SAFB2: variants seen among roughly 807,000 people sequenced by gnomAD.
The protein encoded by SAFB2 is scaffold attachment factor B2.
Under a neutral mutation model 100.6 loss-of-function variants are expected in SAFB2, and 32 were observed. That is an observed-to-expected ratio of 0.32 (90% CI 0.24 to 0.43). The LOEUF (loss-of-function observed/expected upper bound fraction) is 0.43, where lower values mean the gene tolerates loss of function less well. Among genes scored for constraint, SAFB2 ranks in the 20% least tolerant of loss-of-function variants. SAFB2 has a pLI of 1.00. For missense variants in SAFB2, 1,185 were observed against 1,163.4 expected, an observed-to-expected ratio of 1.02 and a Z score of -0.27; for synonymous variants, 500 against 439.4, an observed-to-expected ratio of 1.14 and a Z score of -1.72.
At chr19:5,602,301 C>G (rs371383714) in intron 11 of SAFB2, among the ~76,000 whole-genome samples, 1 of 151,578 alleles carries the variant, frequency 6.6e-6, no homozygotes, top group Non-Finnish European at 1.5e-5. Context: ...CACAGTGAAA[C>G]CCCGTCTCAA....
Position 5,622,710 on chromosome 19 carries a change from C to A in SAFB2, c.6G>T (p.Ala2=), listed in dbSNP as rs376482272. 1 of 1,600,122 alleles carries A rather than the reference C, an allele frequency of 6.2e-7. No individual in the cohort carries two copies. The change falls in exon 1 of 21, where the codon GCG becomes GCT. Residue 2 remains alanine, a synonymous_variant. Coordinates refer to ENST00000252542, the MANE Select transcript of SAFB2 (RefSeq NM_014649.3). ...AGTCGCCCGACCCGGGCAGAGTCTCCGCCATCGTCGCGTTCCCGTCTTCGC... is the reference window on the plus strand; with the variant it reads ...AGTCGCCCGACCCGGGCAGAGTCTCAGCCATCGTCGCGTTCCCGTCTTCGC... The part of the protein sequence containing the change: M[A]ETLPGSGDSG...
chr19:5,606,091 G>C (rs2052768850), intron 9 of SAFB2, among the ~76,000 whole-genome samples: 1 of 152,168 alleles, frequency 6.6e-6, no homozygotes, highest in Non-Finnish European at 1.5e-5. Context: ...GGCCACAAAT[G>C]GTTTGCTCTT....
At chr19:5,612,664 T>C in intron 5 of SAFB2, 97 bp from the exon 6 acceptor site, 1 of 937,954 alleles carries the variant, frequency 1.1e-6, no homozygotes, top group East Asian at 2.4e-5. Flanking sequence ...TGTGAATAAA[T>C]GCCTGTTTCC....
At chr19:5,611,766 G>A (rs1053792840) in intron 6 of SAFB2, 136 bp from the exon 7 acceptor site, 10 of 538,472 alleles carry the variant, frequency 1.9e-5, no homozygotes, top group African/African-American at 5.8e-5. Context: ...GAAAACCCGC[G>A]GGTACACAAA....
chr19:5,613,737 T>C (rs918146374), intron 4 of SAFB2: 14 of 985,466 alleles, frequency 1.4e-5, no homozygotes, highest in African/African-American at 1.7e-5. Flanking sequence ...GGCAGTGGCC[T>C]GCAGGTGGGT....
intron 18 of SAFB2, 112 bp from the exon 19 acceptor site, chr19:5,588,092 G>A (rs1284041207): frequency 4.5e-6 from 4 of 893,074 alleles, no homozygotes; most frequent in Non-Finnish European, 3.3e-6. Flanking sequence ...CACACAACAA[G>A]GGCTGCATGT....
intron 11 of SAFB2, 33 bp downstream of exon 11, chr19:5,604,550 G>A: frequency 1.3e-6 from 2 of 1,553,314 alleles, no homozygotes; most frequent in Non-Finnish European, 1.8e-6. Context: ...TCCTCCCAGG[G>A]ATTCCAAGAG....
intron 17 of SAFB2, 98 bp downstream of exon 17, chr19:5,591,650 A>G (rs2052407713): frequency 8.3e-7 from 1 of 1,212,098 alleles, no homozygotes; most frequent in South Asian, 1.3e-5. Context: ...CTTGGTTGCC[A>G]CCTCTCTGGG....
chr19:5,599,276 T>C (rs2052603649), intron 12 of SAFB2, among the ~76,000 whole-genome samples: 1 of 152,134 alleles, frequency 6.6e-6, no homozygotes, highest in East Asian at 1.9e-4. Flanking sequence ...GTGCTAGGAA[T>C]CACACTGCCA....
chr19:5,621,690 T>C (rs2053152805), intron 1 of SAFB2, among the ~76,000 whole-genome samples: 1 of 152,166 alleles, frequency 6.6e-6, no homozygotes, highest in Non-Finnish European at 1.5e-5. Flanking sequence ...CCTTCGACTT[T>C]AAAGTTATAT....
At chr19:5,618,516 A>G (rs963790165) in intron 2 of SAFB2, among the ~76,000 whole-genome samples, 26 of 152,236 alleles carry the variant, frequency 1.7e-4, no homozygotes, top group African/African-American at 5.8e-4. Context: ...TAAGACGCCT[A>G]ACAACGCTAG....
rs1247110364 is a variant in SAFB2 at position 5,621,394 on chromosome 19, C to G, written c.189G>C (p.Ala63=). The G allele has an allele frequency of 1.9e-6, 3 of 1,605,302 alleles. No homozygotes were observed. Among genetic ancestry groups the G allele is most frequent in the Non-Finnish European group, 2.6e-6 (3 of 1,172,138 alleles). ...CAGGATCTTGCCCCTCTTCTTTAAC[C>G]GCCTATTAGGGAGAGATGAGTTTTA... is the stretch of plus-strand genomic sequence containing the variant. ...KSVLMERLKK[A]VKEEGQDPDE... Residue 63 remains alanine (A), a splice_region_variant and synonymous_variant, in exon 2 of 21, where the codon GCG becomes GCC. Coordinates refer to ENST00000252542, the MANE Select transcript of SAFB2 (RefSeq NM_014649.3).
At chr19:5,600,408 C>A in intron 11 of SAFB2, 148 bp from the exon 12 acceptor site, 1 of 992,318 alleles carries the variant, frequency 1.0e-6, no homozygotes, top group East Asian at 2.6e-5. Context: ...ATTTGGAACC[C>A]ATAGTAATAA....
In SAFB2 at chr19:5,587,774, GAGA is replaced by G. The variant is rs760912243; in HGVS notation, c.2639-10_2639-8del. On this transcript the variant is annotated splice_region_variant and splice_polypyrimidine_tract_variant and intron_variant, in intron 19 of 20. Coordinates refer to ENST00000252542, the MANE Select transcript of SAFB2 (RefSeq NM_014649.3). The surrounding 1 kb of genome is among the most constrained non-coding windows in gnomAD (Gnocchi z 4.9). The stretch of plus-strand genomic sequence containing the variant: ...GACAGGCCCCTCTCGCCACCTAGAA[GAGA>G]AGAAGGGTCTGCAAACACTCCGTTC... 2.6e-5 allele frequency: 40 copies of G among 1,552,892 alleles called. No homozygotes were observed. The highest frequency in any genetic ancestry group is 2.5e-4 in the South Asian group (21 of 84,320).
At chr19:5,607,939 G>A (rs971917922) in intron 9 of SAFB2, among the ~76,000 whole-genome samples, 1 of 152,206 alleles carries the variant, frequency 6.6e-6, no homozygotes, top group African/African-American at 2.4e-5. Context: ...AAACACAGAT[G>A]CCACTTCCCA....
intron 17 of SAFB2, among the ~76,000 whole-genome samples, chr19:5,590,849 G>A (rs2052382450): frequency 6.6e-6 from 1 of 152,182 alleles, no homozygotes; most frequent in African/African-American, 2.4e-5. Context: ...CCAGCAGCCA[G>A]GAAGCAGGCG....
chr19:5,592,655 C>T, intron 16 of SAFB2, 92 bp downstream of exon 16: 1 of 1,455,518 alleles, frequency 6.9e-7, no homozygotes, highest in Non-Finnish European at 9.5e-7. Flanking sequence ...TCAGAGCACA[C>T]AGGAACCCCT....
chr19:5,605,076 GTTC>G, intron 9 of SAFB2, 140 bp from the exon 10 acceptor site: 1 of 973,666 alleles, frequency 1.0e-6, no homozygotes, highest in Non-Finnish European at 1.5e-6. Flanking sequence ...TACTGAATTG[GTTC>G]TAATTAATCC....
chr19:5,619,047 C>T (rs1422245917), intron 2 of SAFB2, among the ~76,000 whole-genome samples: 1 of 152,226 alleles, frequency 6.6e-6, no homozygotes, highest in African/African-American at 2.4e-5. Flanking sequence ...CTGGTGAGTT[C>T]CCAGAATGAG....
Sources: allele counts gnomAD v4.1 joint callset (sites outside exome capture counted in the v4.1 genomes callset), GRCh38; gene constraint gnomAD v4.1.1; non-coding constraint Gnocchi (gnomAD v3.1); transcripts MANE v1.5; gene names NCBI Gene and HGNC (gene_info 2026-07-23, HGNC 2026-07-21).